PADI4: variants seen among roughly 807,000 people sequenced by gnomAD.
PADI4 encodes peptidyl arginine deiminase 4.
PADI4 carries 62 observed loss-of-function variants against 75.0 expected under a neutral mutation model. The observed-to-expected ratio is 0.83, with a 90% confidence interval of 0.67 to 1.02. The LOEUF (loss-of-function observed/expected upper bound fraction) is 1.02. Ranked by LOEUF, PADI4 falls within the 50% of genes least tolerant of loss-of-function variation. PADI4 has a pLI of 0.00. For missense variants in PADI4, 845 were observed against 850.5 expected, an observed-to-expected ratio of 0.99 and a Z score of 0.08; for synonymous variants, 361 against 348.1, an observed-to-expected ratio of 1.04 and a Z score of -0.41.
rs116922074 is a variant in PADI4 at position 17,328,214 on chromosome 1, G to C, written c.93-2755G>C. Among the ~76,000 whole-genome samples the C allele has an allele frequency of 1.6e-3, 243 of 152,102 alleles. 4 individuals are homozygous for C. In the East Asian group the frequency reaches 0.034, roughly 21 times the overall value. On this transcript the variant is annotated intron_variant, in intron 1 of 15. Transcript: ENST00000375448. ...AATTGTTTTATTTTTTGTACAGACA[G>C]GATCTTCCTATGTTGCCCAGGCTGG...
At chr1:17,357,061 T>C (rs2100249866) in intron 13 of PADI4, among the ~76,000 whole-genome samples, 1 of 152,358 alleles carries the variant, frequency 6.6e-6, no homozygotes, top group Admixed American at 6.5e-5. Context: ...CGATGGGATC[T>C]CTTTGGAGAT....
intron 11 of PADI4, among the ~76,000 whole-genome samples, chr1:17,354,890 T>TTACC (rs1472474014): frequency 2.0e-5 from 3 of 152,184 alleles, no homozygotes; most frequent in African/African-American, 7.2e-5. Context: ...GCCCTGCCAC[T>TTACC]TACCCTCTTT....
At chr1:17,318,452 C>A (rs531646373) in intron 1 of PADI4, among the ~76,000 whole-genome samples, 1 of 152,288 alleles carries the variant, frequency 6.6e-6, no homozygotes, top group Non-Finnish European at 1.5e-5. Flanking sequence ...TGAACACCAA[C>A]TCAGGCAACA....
At chr1:17,316,468 T>A (rs2073935593) in intron 1 of PADI4, among the ~76,000 whole-genome samples, 1 of 151,104 alleles carries the variant, frequency 6.6e-6, no homozygotes, top group African/African-American at 2.4e-5. Context: ...GGTGGGCAGA[T>A]CACGAGGTCA....
At chr1:17,317,266 T>C (rs1326141212) in intron 1 of PADI4, among the ~76,000 whole-genome samples, 1 of 151,434 alleles carries the variant, frequency 6.6e-6, no homozygotes, top group Non-Finnish European at 1.5e-5. Flanking sequence ...GCAATAACAA[T>C]GCACGCCACA....
chr1:17,352,102 GGTA>G (rs1557577101), intron 10 of PADI4, among the ~76,000 whole-genome samples: 235 of 135,140 alleles, frequency 1.7e-3, no homozygotes, highest in East Asian at 3.1e-3. Flanking sequence ...GATGGGAGGT[GGTA>G]GGAGAGACTG....
chr1:17,355,510 G>C (rs1441880416), intron 11 of PADI4, among the ~76,000 whole-genome samples: 3 of 148,770 alleles, frequency 2.0e-5, no homozygotes, highest in Non-Finnish European at 4.4e-5. Flanking sequence ...GATTGTGCCA[G>C]CCTGGGCAAC....
Position 17,308,259 on chromosome 1 carries a change from C to A in PADI4, c.37C>A (p.Gln13Lys). The part of the protein sequence containing the change: ...QGTLIRVTPE[Q>K]PTHAVCVLGT... ...GACATTGATCCGTGTGACCCCAGAG[C>A]AGCCCACCCATGCCGTGTGTGTGCT... is the stretch of plus-strand genomic sequence containing the variant. The change falls in exon 1 of 16, where the codon CAG (glutamine) becomes AAG (lysine). Residue 13 changes from glutamine (Q) to lysine (K), a missense_variant. Coordinates refer to ENST00000375448, the MANE Select transcript of PADI4 (RefSeq NM_012387.3). 6.2e-7 allele frequency: 1 copy of A among 1,614,136 alleles called. No homozygotes were observed.
rs1351911014 is a variant in PADI4, at chr1:17,338,037, G to A, written c.409-1G>A. 1.2e-6 allele frequency: 2 copies of A among 1,603,084 alleles called. No homozygotes were observed. Among genetic ancestry groups the A allele is most frequent in the Admixed American group, 1.7e-5 (1 of 59,992 alleles). On this transcript the variant is annotated splice_acceptor_variant, in intron 4 of 15. Coordinates refer to ENST00000375448, the MANE Select transcript of PADI4 (RefSeq NM_012387.3). LOFTEE classifies it high-confidence loss of function. Reference sequence around the variant, plus strand: ...CATGACTCTTCCCTGCTGGTGTCCAGAGGACCTGGACCTGGGGCCCTTGTG... The same window carrying A: ...CATGACTCTTCCCTGCTGGTGTCCAAAGGACCTGGACCTGGGGCCCTTGTG...
intron 1 of PADI4, among the ~76,000 whole-genome samples, chr1:17,310,873 C>A (rs1009232451): frequency 6.6e-6 from 1 of 151,924 alleles, no homozygotes; most frequent in Non-Finnish European, 1.5e-5. Flanking sequence ...CCGAGGCAGG[C>A]GGATCACAAG....
chr1:17,345,954 G>A (rs1198096629), intron 8 of PADI4, 74 bp from the exon 9 acceptor site: 1 of 975,502 alleles, frequency 1.0e-6, no homozygotes, highest in Admixed American at 1.9e-5. Context: ...AGCCACCTGT[G>A]TGTCCCTCCC....
At chr1:17,321,196 G>C (rs1262364974) in intron 1 of PADI4, among the ~76,000 whole-genome samples, 1 of 152,166 alleles carries the variant, frequency 6.6e-6, no homozygotes, top group African/African-American at 2.4e-5. Flanking sequence ...CTGCAAGAAG[G>C]ATGTGGGAAG....
At chr1:17,352,473 A>G (rs1218402801) in intron 10 of PADI4, among the ~76,000 whole-genome samples, 1 of 152,128 alleles carries the variant, frequency 6.6e-6, no homozygotes, top group African/African-American at 2.4e-5. Flanking sequence ...TTGAGTAAAG[A>G]GAACAGAGGC....
rs1251142966 is a variant in PADI4 at position 17,316,541 on chromosome 1, T to G, written c.92+8227T>G. Among the ~76,000 whole-genome samples, 4 of 150,864 alleles carry G rather than the reference T, an allele frequency of 2.7e-5. No individual in the cohort carries two copies. In the East Asian group the frequency reaches 7.8e-4, roughly 29 times the overall value. On this transcript the variant is annotated intron_variant, in intron 1 of 15. Transcript: ENST00000375448. Reference sequence around the variant, plus strand: ...CGTCTCTACTAAAAATACAAAAAAATTAGCCAGGCCTGGTGGCGGGCGCCT... The same window carrying G: ...CGTCTCTACTAAAAATACAAAAAAAGTAGCCAGGCCTGGTGGCGGGCGCCT...
intron 5 of PADI4, among the ~76,000 whole-genome samples, chr1:17,339,008 G>C (rs2074367099): frequency 6.6e-6 from 1 of 152,116 alleles, no homozygotes; most frequent in African/African-American, 2.4e-5. Flanking sequence ...CCAAGAGCTG[G>C]TATAAGCACT....
chr1:17,337,979 C>T, intron 4 of PADI4, 59 bp from the exon 5 acceptor site: 1 of 906,574 alleles, frequency 1.1e-6, no homozygotes, highest in Non-Finnish European at 1.8e-6. Flanking sequence ...ATGCCTCTTG[C>T]AAGAGTTGGA....
At chr1:17,313,498 C>CA (rs71014933) in intron 1 of PADI4, among the ~76,000 whole-genome samples, 3,384 of 68,088 alleles carry the variant, frequency 0.05, 359 homozygotes, top group African/African-American at 0.11. Flanking sequence ...AAGACCTTGT[C>CA]AAAAAAAAAA....
intron 1 of PADI4, among the ~76,000 whole-genome samples, chr1:17,322,615 G>A (rs1264434095): frequency 6.6e-6 from 1 of 152,154 alleles, no homozygotes; most frequent in Non-Finnish European, 1.5e-5. Flanking sequence ...AGGGAAGTAT[G>A]TAGCTTTTTA....
chr1:17,354,832 G>C, intron 11 of PADI4, 145 bp downstream of exon 11: 1 of 786,950 alleles, frequency 1.3e-6, no homozygotes, highest in South Asian at 1.9e-5. Flanking sequence ...TCCAAGCGCA[G>C]GGTGAGGAAT....
Sources: allele counts gnomAD v4.1 joint callset (sites outside exome capture counted in the v4.1 genomes callset), GRCh38; gene constraint gnomAD v4.1.1; transcripts MANE v1.5; gene names NCBI Gene and HGNC (gene_info 2026-07-23, HGNC 2026-07-21).